MAST4: variants seen among roughly 807,000 people sequenced by gnomAD.
MAST4 encodes microtubule associated serine/threonine kinase family member 4.
A neutral mutation model predicts 162.7 loss-of-function variants in MAST4; 89 were observed. The ratio of observed to expected loss-of-function variants is 0.55; its 90% CI spans 0.46 to 0.65. MAST4 has a LOEUF of 0.65. Ranked by LOEUF, MAST4 falls within the 30% of genes least tolerant of loss-of-function variation. The pLI is 0.00. For synonymous variants in MAST4, 1,479 were observed against 1,361.1 expected, an observed-to-expected ratio of 1.09 and a Z score of -1.91; for missense variants, 3,153 against 3,374.0, an observed-to-expected ratio of 0.93 and a Z score of 1.62.
intron 3 of MAST4, among the ~76,000 whole-genome samples, chr5:66,860,692 A>T (rs1212095485): frequency 6.9e-6 from 1 of 145,942 alleles, no homozygotes; most frequent in Non-Finnish European, 1.5e-5. Flanking sequence ...TCTTTCTGTC[A>T]TCTGCCCTTA....
chr5:67,149,572 C>G lies in MAST4; in HGVS notation c.3278C>G (p.Ser1093Cys). 2 of 1,613,568 alleles carry G rather than the reference C, an allele frequency of 1.2e-6. No individual in the cohort carries two copies. The highest frequency in any genetic ancestry group is 1.7e-5 in the Admixed American group (1 of 60,004). ...VTKSLSASAL[S>C]LMIPGDMFAV... ...AAGTCCCTCTCTGCCAGTGCTCTTT[C>G]CCTCATGATCCCAGGAGGTAGAGAG... Residue 1093 changes from serine to cysteine, a missense_variant, in exon 24 of 29, where the codon TCC becomes TGC. Coordinates refer to ENST00000403625, the MANE Select transcript of MAST4 (RefSeq NM_001164664.2).
intron 1 of MAST4, among the ~76,000 whole-genome samples, chr5:66,680,679 T>A (rs1748270311): frequency 6.6e-6 from 1 of 152,234 alleles, no homozygotes; most frequent in African/African-American, 2.4e-5. Context: ...AAGCTCTTTG[T>A]GCTGTTCTGC....
rs924301271 is a variant in MAST4 at position 67,110,723 on chromosome 5, T to G, written c.1458+524T>G. ...GACTTTTATAGATGATTAGTTCATG[T>G]TAACAATTATCTGTTTTTGGCTGGA... On this transcript the variant is annotated intron_variant, in intron 11 of 28. Coordinates refer to ENST00000403625, the MANE Select transcript of MAST4 (RefSeq NM_001164664.2). 1.1e-4 allele frequency among the ~76,000 whole-genome samples: 17 copies of G among 152,244 alleles called. 2 individuals carry two copies. Among genetic ancestry groups the G allele is most frequent in the Non-Finnish European group, 2.4e-4 (16 of 68,048 alleles).
chr5:66,965,207 G>GTTTTTTTTTTTTTTTTTTTTT (rs778107881), intron 4 of MAST4, among the ~76,000 whole-genome samples: 2 of 82,872 alleles, frequency 2.4e-5, no homozygotes, highest in African/African-American at 8.9e-5. Context: ...CATAAGAGTA[G>GTTTTTTTTTTTTTTTTTTTTT]TTTTTTTTTT....
At chr5:66,710,661 T>C (rs930476197) in intron 1 of MAST4, among the ~76,000 whole-genome samples, 3 of 152,172 alleles carry the variant, frequency 2.0e-5, no homozygotes, top group African/African-American at 7.2e-5. Context: ...AAGCATTGGT[T>C]GGTTGGTTTG....
At chr5:66,677,620 G>A (rs1748037312) in intron 1 of MAST4, among the ~76,000 whole-genome samples, 1 of 152,206 alleles carries the variant, frequency 6.6e-6, no homozygotes, top group Non-Finnish European at 1.5e-5. Context: ...AATCTAATGT[G>A]TTGTCTCTGC....
intron 1 of MAST4, among the ~76,000 whole-genome samples, chr5:66,734,646 A>G (rs1367897624): frequency 3.3e-5 from 5 of 152,218 alleles, no homozygotes; most frequent in Admixed American, 6.5e-5. Context: ...GACATGTTCT[A>G]TATTCTGCAG....
intron 1 of MAST4, among the ~76,000 whole-genome samples, chr5:66,671,392 A>G (rs1354874743): frequency 1.3e-5 from 2 of 152,132 alleles, no homozygotes; most frequent in African/African-American, 4.8e-5. Context: ...GTAAAAGGGA[A>G]CCTACCAGCT....
intron 1 of MAST4, among the ~76,000 whole-genome samples, chr5:66,754,117 A>C (rs1403406928): frequency 6.6e-6 from 1 of 151,800 alleles, no homozygotes; most frequent in Non-Finnish European, 1.5e-5. Context: ...CATGCTAAAA[A>C]CGCTCAATAA....
At chr5:66,802,389 C>A (rs940509379) in intron 3 of MAST4, among the ~76,000 whole-genome samples, 1 of 152,056 alleles carries the variant, frequency 6.6e-6, no homozygotes, top group Admixed American at 6.6e-5. Flanking sequence ...TTTGAGAGCC[C>A]AACCAGAGAA....
At chr5:66,971,707 C>G (rs1040008447) in intron 4 of MAST4, among the ~76,000 whole-genome samples, 3 of 151,972 alleles carry the variant, frequency 2.0e-5, no homozygotes, top group Non-Finnish European at 2.9e-5. Flanking sequence ...TTTAGTAGAT[C>G]TTCTTGAGGT....
chr5:66,677,387 C>G (rs1325160588), intron 1 of MAST4, among the ~76,000 whole-genome samples: 1 of 152,192 alleles, frequency 6.6e-6, no homozygotes, highest in Non-Finnish European at 1.5e-5. Flanking sequence ...GTTCTCTAAC[C>G]TCTCTTTTAG....
At chr5:67,076,097 A>C (rs1320879284) in intron 5 of MAST4, among the ~76,000 whole-genome samples, 4 of 152,118 alleles carry the variant, frequency 2.6e-5, no homozygotes. Flanking sequence ...CTTTCTGGGA[A>C]AGAAAAAAAA....
At chr5:66,924,503 C>A (rs1408230082) in intron 4 of MAST4, among the ~76,000 whole-genome samples, 1 of 151,898 alleles carries the variant, frequency 6.6e-6, no homozygotes, top group Non-Finnish European at 1.5e-5. Flanking sequence ...ACGCCGTTCT[C>A]CTGCCTCAGC....
At position 67,166,026 on chromosome 5, in the gene MAST4, G is replaced by T. The variant is rs1217835355; in HGVS notation, c.6847G>T (p.Asp2283Tyr). 4 of 1,613,426 alleles carry T rather than the reference G, an allele frequency of 2.5e-6. No homozygotes were observed. In the African/African-American group the frequency reaches 4.0e-5, roughly 16 times the overall value. ...VPLHTDRAPL[D>Y]AKPQPTSGGR... ...ACTGCACACTGACAGGGCTCCTCTA[G>T]ACGCCAAGCCACAACCCACCAGTGG... The change falls in exon 29 of 29, where the codon GAC (aspartate) becomes TAC (tyrosine). Residue 2283 changes from aspartate (D) to tyrosine (Y), a missense_variant. Physicochemically the swap from Asp to Tyr is radical, Grantham distance 160. This residue lies in a region of MAST4 where 1,644 missense variants were observed against 1,495.0 expected (regional missense o/e 1.10). Transcript: ENST00000403625.
intron 5 of MAST4, among the ~76,000 whole-genome samples, chr5:67,087,892 T>C (rs1429663064): frequency 1.3e-5 from 2 of 152,172 alleles, no homozygotes; most frequent in Non-Finnish European, 2.9e-5. Context: ...AGCAGTGTAG[T>C]AGATGAGAAG....
intron 4 of MAST4, among the ~76,000 whole-genome samples, chr5:66,996,576 G>A (rs766834740): frequency 1.8e-4 from 28 of 152,140 alleles, no homozygotes; most frequent in South Asian, 1.0e-3. Flanking sequence ...AAATCAAGGT[G>A]TCGGCTGGGC....
At chr5:66,920,287 CATT>C (rs1262183157) in intron 4 of MAST4, among the ~76,000 whole-genome samples, 1 of 151,948 alleles carries the variant, frequency 6.6e-6, no homozygotes, top group Non-Finnish European at 1.5e-5. Flanking sequence ...TCGTTTGAAT[CATT>C]ATCAAAATTG....
chr5:66,747,700 G>C (rs193095774), intron 1 of MAST4, among the ~76,000 whole-genome samples: 81 of 152,320 alleles, frequency 5.3e-4, no homozygotes, highest in African/African-American at 1.7e-3. Flanking sequence ...GGTGAAGAGA[G>C]ACAAAAAGGA....
Sources: allele counts gnomAD v4.1 joint callset (sites outside exome capture counted in the v4.1 genomes callset), GRCh38; gene constraint gnomAD v4.1.1; regional missense constraint gnomAD v4.1.1; transcripts MANE v1.5; gene names NCBI Gene and HGNC (gene_info 2026-07-23, HGNC 2026-07-21).